The following NHSL1 variants were observed in gnomAD, a reference collection of about 807,000 sequenced individuals.
NHSL1 encodes the protein NHS like 1.
NHSL1 carries 48 observed loss-of-function variants against 95.0 expected under a neutral mutation model. The observed-to-expected ratio is 0.51, with a 90% CI of 0.40 to 0.64. The LOEUF is 0.64. Ranked by LOEUF, NHSL1 falls within the 30% of genes least tolerant of loss-of-function variation. The pLI is 0.00. For missense variants in NHSL1, 1,971 were observed against 2,077.7 expected (o/e 0.95, Z 1.00); for synonymous variants, 783 against 833.9 (o/e 0.94, Z 1.05).
intron 2 of NHSL1, among the ~76,000 whole-genome samples, chr6:138,481,501 A>C (rs531916495): frequency 6.6e-6 from 1 of 152,332 alleles, no homozygotes; most frequent in East Asian, 1.9e-4. Flanking sequence ...CTAGAACATA[A>C]TTAAAAGACA....
intron 3 of NHSL1, among the ~76,000 whole-genome samples, chr6:138,461,298 A>G (rs1233483906): frequency 6.6e-6 from 1 of 152,230 alleles, no homozygotes; most frequent in African/African-American, 2.4e-5. Context: ...ACATCAATGC[A>G]TGGTACTTAA....
chr6:138,642,755 G>T (rs1393693168), intron 1 of NHSL1, among the ~76,000 whole-genome samples: 2 of 152,126 alleles, frequency 1.3e-5, no homozygotes, highest in Non-Finnish European at 1.5e-5. Flanking sequence ...GCAGCAGAGG[G>T]AGGTGGTAAT....
rs949287630 is a variant in NHSL1 at position 138,433,122 on chromosome 6, T to C, written c.1223A>G (p.Tyr408Cys). 2.3e-5 allele frequency: 35 copies of C among 1,550,478 alleles called. No homozygotes were observed. The highest frequency in any genetic ancestry group is 4.1e-5 in the African/African-American group (3 of 72,914). Residue 408 changes from tyrosine (Y) to cysteine (C), a missense_variant, in exon 6 of 8, where the codon TAC becomes TGC. Physicochemically the swap from Tyr to Cys is radical, Grantham distance 194 (BLOSUM62 -2). This residue lies in a region of NHSL1 where 1,602 missense variants were observed against 1,654.5 expected (regional missense o/e 0.97). Coordinates refer to ENST00000343505, the MANE Select transcript of NHSL1 (RefSeq NM_001144060.2). ...PACVVSPHAT[Y>C]STSIIPNATL... is the part of the protein sequence containing the mutation. Reference sequence around the variant, plus strand: ...GGCATTTGGGATGATGCTGGTGGAGTAGGTTGCATGAGGAGAAACCACACA... The same window carrying C: ...GGCATTTGGGATGATGCTGGTGGAGCAGGTTGCATGAGGAGAAACCACACA...
At chr6:138,624,017 T>C (rs1034441904) in intron 1 of NHSL1, among the ~76,000 whole-genome samples, 2 of 152,188 alleles carry the variant, frequency 1.3e-5, no homozygotes, top group Admixed American at 6.5e-5. Flanking sequence ...TCCCCAGCCA[T>C]GTGGAACTGT....
rs1784457979 is a variant in NHSL1, at chr6:138,608,038, A to G, written c.96+84438T>C. 2.6e-5 allele frequency among the ~76,000 whole-genome samples: 4 copies of G among 152,250 alleles called. No individual in the cohort carries two copies. In the South Asian group the frequency reaches 8.3e-4, roughly 31 times the overall value. ...ACCCTGTCAGCTTCGCTCACTGTCTAGCTGCAGGACCAAGCGGAACTGCGC... is the reference window on the plus strand; with the variant it reads ...ACCCTGTCAGCTTCGCTCACTGTCTGGCTGCAGGACCAAGCGGAACTGCGC... On this transcript the variant is annotated intron_variant, in intron 1 of 3. Coordinates refer to the NHSL1 transcript ENST00000491526.
In NHSL1 at chr6:138,431,879, G is replaced by A. The variant is rs1351082239; in HGVS notation, c.2466C>T (p.Ala822=). ...AACCACCGGGCACTTGGGGCATTGT[G>A]GCTCTGGACCCTTCTTGGACATGGC... ...PVRHVQEGSR[A]TMPQVPGGSV... Residue 822 remains alanine, a synonymous_variant, in exon 6 of 8, where the codon GCC becomes GCT. Coordinates refer to ENST00000343505, the MANE Select transcript of NHSL1 (RefSeq NM_001144060.2). This position sits in a 1 kb window ranked among gnomAD's most constrained non-coding sequence, Gnocchi z 4.0. 5 of 1,551,630 alleles carry A rather than the reference G, an allele frequency of 3.2e-6. No individual in the cohort carries two copies. Among genetic ancestry groups the A allele is most frequent in the Non-Finnish European group, 4.4e-6 (5 of 1,146,998 alleles).
chr6:138,463,298 G>A (rs187554983), intron 3 of NHSL1, among the ~76,000 whole-genome samples: 44 of 152,090 alleles, frequency 2.9e-4, no homozygotes, highest in African/African-American at 1.0e-3. Context: ...AACTCCTCCA[G>A]TGACTCCCCA....
intron 1 of NHSL1, among the ~76,000 whole-genome samples, chr6:138,595,341 A>C (rs1411176445): frequency 6.6e-6 from 1 of 152,218 alleles, no homozygotes. Flanking sequence ...TGGGAGGCCA[A>C]GGCAGGAGGG....
chr6:138,649,407 T>A (rs140846665), intron 1 of NHSL1, among the ~76,000 whole-genome samples: 1 of 151,510 alleles, frequency 6.6e-6, no homozygotes, highest in Non-Finnish European at 1.5e-5. Context: ...ATATCCTTAT[T>A]TCCTTCTATA....
intron 1 of NHSL1, among the ~76,000 whole-genome samples, chr6:138,521,117 T>C (rs780375632): frequency 3.3e-5 from 5 of 152,180 alleles, no homozygotes; most frequent in Non-Finnish European, 7.4e-5. Flanking sequence ...CTCCACCAAT[T>C]AGCTAATGCC....
At chr6:138,466,041 T>TGGTG (rs1554229051) in intron 3 of NHSL1, among the ~76,000 whole-genome samples, 1 of 125,552 alleles carries the variant, frequency 8.0e-6, no homozygotes, top group Non-Finnish European at 1.7e-5. Context: ...CACTCCTTTT[T>TGGTG]GGGGGGGGGG....
intron 1 of NHSL1, among the ~76,000 whole-genome samples, chr6:138,577,938 C>T (rs1042155717): frequency 6.6e-6 from 1 of 152,196 alleles, no homozygotes; most frequent in African/African-American, 2.4e-5. Context: ...CTTTATCCAC[C>T]TTTCCACCCA....
intron 4 of NHSL1, among the ~76,000 whole-genome samples, chr6:138,444,875 C>A (rs1776761585): frequency 6.6e-6 from 1 of 152,082 alleles, no homozygotes; most frequent in South Asian, 2.1e-4. Context: ...GAAAATGGAT[C>A]AATAAATACG....
chr6:138,599,377 T>G (rs1784342526), intron 1 of NHSL1, among the ~76,000 whole-genome samples: 1 of 152,014 alleles, frequency 6.6e-6, no homozygotes, highest in Non-Finnish European at 1.5e-5. Context: ...CTGGGTGTGG[T>G]GGCAGGTGCC....
intron 1 of NHSL1, among the ~76,000 whole-genome samples, chr6:138,599,392 A>G (rs577304280): frequency 7.2e-5 from 11 of 152,114 alleles, no homozygotes; most frequent in African/African-American, 2.4e-4. Context: ...GGTGCCTGTA[A>G]TTCCAGCTAC....
chr6:138,492,034 T>C (rs4632907), intron 2 of NHSL1, among the ~76,000 whole-genome samples: 149,636 of 152,330 alleles, frequency 0.98, 73,516 homozygotes, highest in Middle Eastern at 1. Context: ...ACAAACAAAA[T>C]CAAGACATTT....
At chr6:138,690,038 C>A (rs1785642053) in intron 1 of NHSL1, among the ~76,000 whole-genome samples, 2 of 152,304 alleles carry the variant, frequency 1.3e-5, no homozygotes, top group South Asian at 4.1e-4. Flanking sequence ...TGTGTCATTA[C>A]CCACAGCCTA....
intron 1 of NHSL1, among the ~76,000 whole-genome samples, chr6:138,636,673 C>A (rs1330089365): frequency 6.6e-6 from 1 of 152,018 alleles, no homozygotes; most frequent in Non-Finnish European, 1.5e-5. Context: ...AATAGCCACA[C>A]TGAAAATCAA....
chr6:138,651,022 A>G, intron 1 of NHSL1: 1 of 423,242 alleles, frequency 2.4e-6, no homozygotes, highest in Non-Finnish European at 4.6e-6. Flanking sequence ...GTTCGATCTC[A>G]TCGTAACAAA....
Sources: allele counts gnomAD v4.1 joint callset (sites outside exome capture counted in the v4.1 genomes callset), GRCh38; gene constraint gnomAD v4.1.1; regional missense constraint gnomAD v4.1.1; non-coding constraint Gnocchi (gnomAD v3.1); transcripts MANE v1.5; gene names NCBI Gene and HGNC (gene_info 2026-07-23, HGNC 2026-07-21).